The following RGS8 variants were observed in gnomAD, a reference collection of about 807,000 sequenced individuals.
The protein encoded by RGS8 is regulator of G-protein signaling 8.
Under a neutral mutation model 21.7 loss-of-function variants are expected in RGS8, and 8 were observed. The ratio of observed to expected loss-of-function variants is 0.37; its 90% CI spans 0.22 to 0.66. The LOEUF (loss-of-function observed/expected upper bound fraction) is 0.66, where lower values mean the gene tolerates loss of function less well. RGS8 is among the 30% of genes least tolerant of loss of function. The probability of loss-of-function intolerance (pLI) is 0.59; values close to 1 mark genes in which losing one functional copy is unlikely to be tolerated. For synonymous variants in RGS8, 80 were observed against 83.6 expected, an observed-to-expected ratio of 0.96 and a Z score of 0.24; for missense variants, 157 against 217.9, an observed-to-expected ratio of 0.72 and a Z score of 1.76.
chr1:182,709,867 G>A, the RGS8 span, among the ~76,000 whole-genome samples: 1 of 152,152 alleles, frequency 6.6e-6, no homozygotes, highest in Non-Finnish European at 1.5e-5. Flanking sequence ...GGGTCATTAT[G>A]TCAAATAAAT....
chr1:182,741,774 C>G, the RGS8 span, among the ~76,000 whole-genome samples: 1 of 107,744 alleles, frequency 9.3e-6, no homozygotes, highest in East Asian at 2.6e-4. Context: ...ACCTCCCTCC[C>G]GGACGGGGCG....
At chr1:182,694,188 C>A in the RGS8 span, among the ~76,000 whole-genome samples, 1 of 151,546 alleles carries the variant, frequency 6.6e-6, no homozygotes, top group Non-Finnish European at 1.5e-5. Context: ...AAATTTTGGT[C>A]AACCTTTCTT....
At chr1:182,684,914 G>A (rs909656408), upstream of RGS8, among the ~76,000 whole-genome samples, 2 of 152,168 alleles carry the variant, frequency 1.3e-5, no homozygotes, top group African/African-American at 4.8e-5. The surrounding 1 kb of genome is among the most constrained non-coding windows in gnomAD (Gnocchi z 4.2). Context: ...AACATTCCAA[G>A]GTGAAAGTGG....
At chr1:182,699,644 G>A in the RGS8 span, among the ~76,000 whole-genome samples, 2 of 152,198 alleles carry the variant, frequency 1.3e-5, no homozygotes, top group Non-Finnish European at 2.9e-5. Context: ...AGCCTGCTTC[G>A]TTGCTGCAGG....
chr1:182,751,048 G>A, the RGS8 span, among the ~76,000 whole-genome samples: 1 of 152,236 alleles, frequency 6.6e-6, no homozygotes, highest in African/African-American at 2.4e-5. Flanking sequence ...GGGCATTACA[G>A]AGGGAATGTC....
chr1:182,670,681 C>A (rs773374435), intron 2 of RGS8, among the ~76,000 whole-genome samples: 6 of 151,988 alleles, frequency 3.9e-5, no homozygotes, highest in Non-Finnish European at 7.4e-5. Flanking sequence ...TTTATATTAC[C>A]GCGACTATTT....
At chr1:182,714,252 C>G in the RGS8 span, 1 of 152,176 alleles carries the variant, frequency 6.6e-6, no homozygotes, top group Non-Finnish European at 1.5e-5. Context: ...ATAAAACTAT[C>G]TGAATTTATC....
intron 5 of RGS8, among the ~76,000 whole-genome samples, chr1:182,660,217 C>T (rs1663519587): frequency 6.6e-6 from 1 of 152,196 alleles, no homozygotes; most frequent in African/African-American, 2.4e-5. Flanking sequence ...AGGTAAGCCT[C>T]ATCATTCCCC....
At chr1:182,652,774 G>C (rs1486610779) in intron 5 of RGS8, among the ~76,000 whole-genome samples, 1 of 152,210 alleles carries the variant, frequency 6.6e-6, no homozygotes, top group Non-Finnish European at 1.5e-5. Flanking sequence ...GGACCCAGGA[G>C]GGGTGCCTTT....
At chr1:182,688,877 G>C (rs1013649752), upstream of RGS8, among the ~76,000 whole-genome samples, 4 of 152,100 alleles carry the variant, frequency 2.6e-5, no homozygotes, top group African/African-American at 4.8e-5. Flanking sequence ...CCAAATGAGC[G>C]GGGAAACAGA....
At chr1:182,671,599 G>T in intron 2 of RGS8, 58 bp downstream of exon 3, 1 of 1,443,520 alleles carries the variant, frequency 6.9e-7, no homozygotes, top group Non-Finnish European at 9.7e-7. Context: ...TATGGATAAT[G>T]CAATCGGTGC....
intron 5 of RGS8, among the ~76,000 whole-genome samples, chr1:182,654,926 C>G (rs1343310544): frequency 1.3e-5 from 2 of 151,624 alleles, no homozygotes; most frequent in African/African-American, 2.4e-5. Flanking sequence ...AGGAGAAAGA[C>G]AAGCAGGAAG....
chr1:182,648,446 A>G, intron 5 of RGS8, 143 bp from the exon 7 acceptor site: 1 of 824,396 alleles, frequency 1.2e-6, no homozygotes, highest in Non-Finnish European at 1.9e-6. Context: ...TGAAGACCCC[A>G]TTCTCATCTG....
At chr1:182,737,943 T>A in the RGS8 span, among the ~76,000 whole-genome samples, 1 of 152,196 alleles carries the variant, frequency 6.6e-6, no homozygotes, top group East Asian at 1.9e-4. Context: ...TGCAACCCAA[T>A]TGAAGCCCTG....
rs72727007 is a variant in RGS8, at chr1:182,655,317, C to T, written c.194-7014G>A. 3.3e-3 allele frequency among the ~76,000 whole-genome samples: 498 copies of T among 152,272 alleles called. 3 individuals are homozygous for T. Among genetic ancestry groups the T allele is most frequent in the Non-Finnish European group, 6.1e-3 (413 of 68,024 alleles). On this transcript the variant is annotated intron_variant, in intron 5 of 6. Coordinates refer to ENST00000483095, the Ensembl canonical transcript of RGS8. ...CCACTGTAGGGCAAGACAAGGAGGC[C>T]ACAAGTGACACCACAGATGGTGACA... is the stretch of plus-strand genomic sequence containing the variant.
upstream of RGS8, among the ~76,000 whole-genome samples, chr1:182,675,363 C>A (rs949007636): frequency 1.5e-4 from 23 of 152,122 alleles, no homozygotes; most frequent in African/African-American, 5.3e-4. Flanking sequence ...GGTTATTCAA[C>A]CCCCAGCACC....
At chr1:182,720,944 T>C in the RGS8 span, among the ~76,000 whole-genome samples, 2 of 125,452 alleles carry the variant, frequency 1.6e-5, no homozygotes, top group South Asian at 2.5e-4. Flanking sequence ...TACATATATA[T>C]ACATATATAC....
chr1:182,659,953 T>C (rs998603577), intron 5 of RGS8, among the ~76,000 whole-genome samples: 4 of 152,158 alleles, frequency 2.6e-5, no homozygotes, highest in Non-Finnish European at 5.9e-5. Flanking sequence ...ACAAGTATTA[T>C]GGGATTCAAA....
intron 5 of RGS8, among the ~76,000 whole-genome samples, chr1:182,664,915 C>A (rs1468940859): frequency 6.6e-6 from 1 of 152,210 alleles, no homozygotes; most frequent in African/African-American, 2.4e-5. Context: ...AAATTGAAAG[C>A]AAAATCACTT....
Sources: gnomAD v4.1 joint callset for allele counts (sites outside exome capture counted in the v4.1 genomes callset) on GRCh38, gnomAD v4.1.1 for gene constraint, Gnocchi (gnomAD v3.1) non-coding constraint, MANE v1.5 for transcripts, NCBI Gene and HGNC (gene_info 2026-07-23, HGNC 2026-07-21) for gene names.